The following FNIP1 variants were observed in gnomAD, a reference collection of about 807,000 sequenced individuals.
The protein encoded by FNIP1 is folliculin interacting protein 1, also known as folliculin-interacting protein 1.
In FNIP1, 40 loss-of-function variants were observed where a neutral mutation model predicts 124.5. The ratio of observed to expected loss-of-function variants is 0.32; its 90% confidence interval spans 0.25 to 0.42. The LOEUF (loss-of-function observed/expected upper bound fraction) is 0.42. Among genes scored for constraint, FNIP1 ranks in the 10% least tolerant of loss-of-function variants. The pLI is 1.00. For synonymous variants in FNIP1, 472 were observed against 470.6 expected, an observed-to-expected ratio of 1.00 and a Z score of -0.04; for missense variants, 1,176 against 1,403.7, an observed-to-expected ratio of 0.84 and a Z score of 2.59.
At chr5:131,702,037 C>T (rs1768917330) in intron 10 of FNIP1, among the ~76,000 whole-genome samples, 1 of 152,118 alleles carries the variant, frequency 6.6e-6, no homozygotes, top group South Asian at 2.1e-4. Context: ...GGAAAATTCG[C>T]CAAGATGTTA....
chr5:131,688,804 CAAT>C (rs1481023214), intron 11 of FNIP1, among the ~76,000 whole-genome samples: 1 of 148,748 alleles, frequency 6.7e-6, no homozygotes, highest in East Asian at 2.0e-4. Context: ...GAAGGTATGT[CAAT>C]AAAAATTCCG....
intron 10 of FNIP1, 60 bp from the exon 11 acceptor site, chr5:131,699,062 A>G: frequency 2.8e-6 from 4 of 1,433,260 alleles, no homozygotes; most frequent in Non-Finnish European, 3.8e-6. Context: ...AACATGGAAA[A>G]AAGTCTTTTT....
intron 1 of FNIP1, among the ~76,000 whole-genome samples, chr5:131,783,448 CA>C (rs1195219913): frequency 6.7e-6 from 1 of 148,896 alleles, no homozygotes; most frequent in Non-Finnish European, 1.5e-5. Flanking sequence ...AAAAACAAAA[CA>C]GACCAAAAAA....
At chr5:131,695,300 A>C (rs914775726) in intron 11 of FNIP1, among the ~76,000 whole-genome samples, 3 of 152,242 alleles carry the variant, frequency 2.0e-5, no homozygotes, top group Non-Finnish European at 2.9e-5. Flanking sequence ...CTCATGCATC[A>C]AACTGGAAAA....
chr5:131,643,894 C>G lies in FNIP1; in HGVS notation c.*791G>C, dbSNP rs747139220. On this transcript the variant is annotated 3_prime_UTR_variant, in exon 18 of 18. Coordinates refer to ENST00000510461, the MANE Select transcript of FNIP1 (RefSeq NM_133372.3). ...TTAATATTTATAAGAACAGTTCATACTTATAAACAAATGGTATAAAGTAGT... is the reference window on the plus strand; with the variant it reads ...TTAATATTTATAAGAACAGTTCATAGTTATAAACAAATGGTATAAAGTAGT... 1 of 152,230 alleles carries G rather than the reference C, an allele frequency of 6.6e-6. No homozygotes were observed. Among genetic ancestry groups the G allele is most frequent in the Non-Finnish European group, 1.5e-5 (1 of 67,952 alleles). 9.4% of individuals were successfully genotyped at this position (152,230 alleles called of 1,614,324 possible).
intron 11 of FNIP1, among the ~76,000 whole-genome samples, chr5:131,682,424 A>G (rs1028177195): frequency 6.6e-6 from 1 of 152,162 alleles, no homozygotes; most frequent in Non-Finnish European, 1.5e-5. Flanking sequence ...GTCATTAACA[A>G]TCTAGAAGTA....
chr5:131,722,184 C>T (rs895463093), intron 3 of FNIP1, among the ~76,000 whole-genome samples: 2 of 152,148 alleles, frequency 1.3e-5, no homozygotes, highest in Non-Finnish European at 2.9e-5. Context: ...ATGGAAGTCA[C>T]TACAGATGGA....
chr5:131,748,478 G>A (rs1027303543), intron 1 of FNIP1, among the ~76,000 whole-genome samples: 10 of 152,042 alleles, frequency 6.6e-5, no homozygotes, highest in East Asian at 3.9e-4. Context: ...CAGATCACAA[G>A]GTCAGGAGAT....
At chr5:131,666,978 T>C (rs904609734) in intron 15 of FNIP1, among the ~76,000 whole-genome samples, 1 of 152,210 alleles carries the variant, frequency 6.6e-6, no homozygotes, top group Admixed American at 6.5e-5. Context: ...GAAGAACTCA[T>C]ATACAATTCC....
intron 1 of FNIP1, among the ~76,000 whole-genome samples, chr5:131,759,206 C>G (rs1281434393): frequency 1.3e-5 from 2 of 152,078 alleles, no homozygotes; most frequent in Admixed American, 6.6e-5. Flanking sequence ...GAATTTTTGG[C>G]TAAGTCCTGA....
intron 15 of FNIP1, among the ~76,000 whole-genome samples, chr5:131,666,798 C>CT (rs1365145852): frequency 1.3e-5 from 2 of 152,142 alleles, no homozygotes; most frequent in African/African-American, 4.8e-5. Context: ...AAAATGTTGT[C>CT]TTTATCTTCA....
At chr5:131,693,317 CACATATAT>C (rs1768557334) in intron 11 of FNIP1, among the ~76,000 whole-genome samples, 2 of 41,596 alleles carry the variant, frequency 4.8e-5, no homozygotes, top group African/African-American at 1.8e-4. Flanking sequence ...TATATATATA[CACATATAT>C]ATATATACAT....
chr5:131,786,400 G>A (rs1346209709), intron 1 of FNIP1, among the ~76,000 whole-genome samples: 2 of 152,284 alleles, frequency 1.3e-5, no homozygotes, highest in East Asian at 3.9e-4. Flanking sequence ...GGAAAAACAT[G>A]GGTTCTATTG....
intron 1 of FNIP1, among the ~76,000 whole-genome samples, chr5:131,790,338 C>G (rs893741089): frequency 6.6e-5 from 10 of 152,120 alleles, no homozygotes; most frequent in Non-Finnish European, 1.5e-4. Context: ...ATTAGCCAGC[C>G]ATGATGGCCC....
In FNIP1 at chr5:131,796,967, G is replaced by A. The variant is rs768978003; in HGVS notation, c.-46C>T. On this transcript the variant is annotated 5_prime_UTR_variant, in exon 1 of 18. Coordinates refer to ENST00000510461, the MANE Select transcript of FNIP1 (RefSeq NM_133372.3). ...GGTCGCTCCGCTGGGCGCTTGCTAG[G>A]CCCCTGCTCCTACAGCCGCCCCGCC... The A allele has an allele frequency of 2.0e-6, 3 of 1,527,762 alleles. No individual in the cohort carries two copies. The highest frequency in any genetic ancestry group is 1.2e-5 in the South Asian group (1 of 84,066). 94.6% of individuals were successfully genotyped at this position (1,527,762 alleles called of 1,614,324 possible).
At chr5:131,785,186 T>C (rs1436284029) in intron 1 of FNIP1, among the ~76,000 whole-genome samples, 1 of 140,160 alleles carries the variant, frequency 7.1e-6, no homozygotes, top group Non-Finnish European at 1.5e-5. Flanking sequence ...ATCATATATA[T>C]GATATATATG....
At chr5:131,696,003 T>C (rs976848488) in intron 11 of FNIP1, among the ~76,000 whole-genome samples, 5 of 152,256 alleles carry the variant, frequency 3.3e-5, no homozygotes, top group Admixed American at 2.6e-4. Context: ...TAAGCAACTT[T>C]GTATAATTTA....
In FNIP1 at chr5:131,644,604, G is replaced by T; in HGVS notation, c.*81C>A. 3 of 1,222,632 alleles carry T rather than the reference G, an allele frequency of 2.5e-6. No homozygotes were observed. The highest frequency in any genetic ancestry group is 1.9e-4 in the Middle Eastern group (1 of 5,216). The allele number at this position is 1,222,632 out of a possible 1,614,324, so 75.7% of individuals were successfully genotyped here. Reference sequence around the variant, plus strand: ...CAGATGGAAGTCTAAAAGGGAAAAAGAATCTCCATAAATGCATGTTGTGTC... The same window carrying T: ...CAGATGGAAGTCTAAAAGGGAAAAATAATCTCCATAAATGCATGTTGTGTC... On this transcript the variant is annotated 3_prime_UTR_variant, in exon 18 of 18. Coordinates refer to ENST00000510461, the MANE Select transcript of FNIP1 (RefSeq NM_133372.3).
chr5:131,706,747 A>C (rs528520301), intron 8 of FNIP1, among the ~76,000 whole-genome samples: 1 of 152,340 alleles, frequency 6.6e-6, no homozygotes, highest in East Asian at 1.9e-4. Flanking sequence ...TATCAGCAAA[A>C]AACTCTGAGA....
Sources: gnomAD v4.1 joint callset for allele counts (sites outside exome capture counted in the v4.1 genomes callset) on GRCh38, gnomAD v4.1.1 for gene constraint, MANE v1.5 for transcripts, NCBI Gene and HGNC (gene_info 2026-07-23, HGNC 2026-07-21) for gene names.